Variants in GRIP1 observed in about 807,000 individuals in gnomAD.
GRIP1 encodes glutamate receptor-interacting protein 1.
Under a neutral mutation model 129.9 loss-of-function variants are expected in GRIP1, and 45 were observed. The observed-to-expected ratio is 0.35, with a 90% CI of 0.27 to 0.44. The LOEUF (loss-of-function observed/expected upper bound fraction) is 0.44, where lower values mean the gene tolerates loss of function less well. Among genes scored for constraint, GRIP1 ranks in the 20% least tolerant of loss-of-function variants. The pLI is 1.00. For synonymous variants in GRIP1, 530 were observed against 520.8 expected (o/e 1.02, Z -0.24); for missense variants, 1,196 against 1,396.8 (o/e 0.86, Z 2.29).
rs35373698 is a variant in GRIP1, at chr12:66,539,545, C to CTTTT, written c.273-326_273-323dup. ...CACCATAAAACAAAATCAAGAGAAG[C>CTTTT]TTTTTTTTTTTTTTTTTTTTTTTTC... On this transcript the variant is annotated intron_variant, in intron 3 of 24. Coordinates refer to ENST00000359742, the MANE Select transcript of GRIP1 (RefSeq NM_001366722.1). Among the ~76,000 whole-genome samples the CTTTT allele has an allele frequency of 2.0e-3, 121 of 59,274 alleles. 9 individuals carry two copies. The highest frequency in any genetic ancestry group is 4.0e-3 in the African/African-American group (62 of 15,496). 38.9% of individuals were successfully genotyped at this position (59,274 alleles called of 152,430 possible).
At chr12:66,588,781 C>A (rs1373352807) in intron 2 of GRIP1, among the ~76,000 whole-genome samples, 1 of 151,660 alleles carries the variant, frequency 6.6e-6, no homozygotes, top group East Asian at 1.9e-4. Context: ...CCAGCCTGGC[C>A]AACATAATGA....
At chr12:66,768,122 G>T (rs762378150) in intron 1 of GRIP1, among the ~76,000 whole-genome samples, 3 of 152,136 alleles carry the variant, frequency 2.0e-5, no homozygotes. Flanking sequence ...GCTCTATTTG[G>T]TCTACATTTT....
chr12:67,054,000 G>C (rs1007830463), intron 1 of GRIP1, among the ~76,000 whole-genome samples: 3 of 152,176 alleles, frequency 2.0e-5, no homozygotes, highest in Non-Finnish European at 4.4e-5. Flanking sequence ...TGGTGAAAGA[G>C]AAATTCACTG....
chr12:67,036,761 C>T (rs950180443), intron 1 of GRIP1, among the ~76,000 whole-genome samples: 1 of 152,148 alleles, frequency 6.6e-6, no homozygotes, highest in African/African-American at 2.4e-5. Context: ...ACTAAACCTA[C>T]CCATCCATGG....
intron 7 of GRIP1, among the ~76,000 whole-genome samples, chr12:66,478,640 A>C (rs2059698532): frequency 6.6e-6 from 1 of 152,220 alleles, no homozygotes; most frequent in Non-Finnish European, 1.5e-5. Flanking sequence ...AATGTCCAAC[A>C]ATGATAGACT....
chr12:66,477,905 G>T lies in GRIP1; in HGVS notation c.725-12483C>A, dbSNP rs542049702. Among the ~76,000 whole-genome samples, 34 of 152,212 alleles carry T rather than the reference G, an allele frequency of 2.2e-4. No individual in the cohort carries two copies. The East Asian group carries it at 5.4e-3, about 24-fold the overall frequency. ...AGATGGATTAAAGACTTAAATGTTA[G>T]ACCTAAAACCATAAAAACCCTAGAA... On this transcript the variant is annotated intron_variant, in intron 7 of 24. Transcript: ENST00000359742.
chr12:66,848,695 C>A (rs2039860679), intron 1 of GRIP1, among the ~76,000 whole-genome samples: 2 of 152,096 alleles, frequency 1.3e-5, no homozygotes, highest in Non-Finnish European at 1.5e-5. Flanking sequence ...TTACAACTCC[C>A]TACTCAACTT....
chr12:66,866,543 T>C (rs2040208152), intron 1 of GRIP1, among the ~76,000 whole-genome samples: 1 of 152,158 alleles, frequency 6.6e-6, no homozygotes, highest in South Asian at 2.1e-4. Flanking sequence ...GACTAAGACC[T>C]ACTAATTGAT....
chr12:66,583,988 G>A lies in GRIP1; in HGVS notation c.136+12859C>T, dbSNP rs543779822. On this transcript the variant is annotated intron_variant, in intron 2 of 24. Coordinates refer to ENST00000359742, the MANE Select transcript of GRIP1 (RefSeq NM_001366722.1). Reference sequence around the variant, plus strand: ...GTTTATTGCGGCATTATTCACAATAGCAAAGACTTGCAACCAACCCAAATG... The same window carrying A: ...GTTTATTGCGGCATTATTCACAATAACAAAGACTTGCAACCAACCCAAATG... Among the ~76,000 whole-genome samples, 316 of 140,376 alleles carry A rather than the reference G, an allele frequency of 2.3e-3. 15 individuals are homozygous for A. The highest frequency in any genetic ancestry group is 7.6e-3 in the African/African-American group (293 of 38,392). The allele number at this position is 140,376 out of a possible 152,430, so 92.1% of individuals were successfully genotyped here. A position where few individuals can be genotyped will look rare whatever the true frequency, so the allele number is the denominator to read the frequency against.
intron 1 of GRIP1, among the ~76,000 whole-genome samples, chr12:66,852,531 T>C (rs1294785278): frequency 1.9e-5 from 2 of 107,270 alleles, no homozygotes; most frequent in Non-Finnish European, 4.1e-5. Context: ...TATATGTATA[T>C]GTATATATGT....
Position 66,726,037 on chromosome 12 carries a change from C to T in GRIP1, c.-420+78016G>A, listed in dbSNP as rs151206546. ...TTTCAGCCCATGCCATCTCTATCTC[C>T]TAGCCTCACTGAATCACTAATTATT... On this transcript the variant is annotated intron_variant, in intron 1 of 4. Coordinates refer to the GRIP1 transcript ENST00000538373. Among the ~76,000 whole-genome samples, 286 of 152,330 alleles carry T rather than the reference C, an allele frequency of 1.9e-3. 1 individual carries two copies. The highest frequency in any genetic ancestry group is 6.6e-3 in the African/African-American group (276 of 41,572).
At chr12:66,884,018 G>A (rs998256295) in intron 1 of GRIP1, among the ~76,000 whole-genome samples, 5 of 152,224 alleles carry the variant, frequency 3.3e-5, no homozygotes, top group African/African-American at 1.2e-4. Context: ...ACATGCAAGT[G>A]TGAGCAGAAA....
At chr12:66,380,200 G>A (rs573678404) in intron 19 of GRIP1, among the ~76,000 whole-genome samples, 170 of 152,212 alleles carry the variant, frequency 1.1e-3, no homozygotes, top group Non-Finnish European at 2.0e-3. Flanking sequence ...GTGAGCCATC[G>A]TGCCGGCCCC....
chr12:66,915,313 G>A (rs1016539612), intron 1 of GRIP1, among the ~76,000 whole-genome samples: 2 of 152,158 alleles, frequency 1.3e-5, no homozygotes, highest in African/African-American at 4.8e-5. Flanking sequence ...CCTATTAACT[G>A]GAGTAACACC....
intron 1 of GRIP1, among the ~76,000 whole-genome samples, chr12:67,068,137 G>T (rs1592539405): frequency 6.6e-6 from 1 of 152,124 alleles, no homozygotes; most frequent in Non-Finnish European, 1.5e-5. Flanking sequence ...ATCATATCCA[G>T]GTTACCAAGC....
At chr12:66,638,271 G>A (rs2031594720) in intron 1 of GRIP1, among the ~76,000 whole-genome samples, 4 of 152,032 alleles carry the variant, frequency 2.6e-5, no homozygotes, top group Admixed American at 2.6e-4. Context: ...TTATTTTGAG[G>A]GTTCTGATGA....
chr12:66,753,867 A>C (rs2037203567), intron 1 of GRIP1, among the ~76,000 whole-genome samples: 1 of 152,240 alleles, frequency 6.6e-6, no homozygotes, highest in Non-Finnish European at 1.5e-5. Flanking sequence ...ATCTAATAGA[A>C]AGCTTATATA....
chr12:66,489,555 C>T (rs927003559), intron 7 of GRIP1, among the ~76,000 whole-genome samples: 2 of 152,082 alleles, frequency 1.3e-5, no homozygotes, highest in Admixed American at 1.3e-4. Flanking sequence ...AAAACTGGCA[C>T]AAGACAAGGA....
At chr12:66,439,636 T>A (rs2058415651) in intron 13 of GRIP1, among the ~76,000 whole-genome samples, 1 of 152,208 alleles carries the variant, frequency 6.6e-6, no homozygotes, top group South Asian at 2.1e-4. Context: ...ATCATAGTAA[T>A]CTCTTCCATT....
Sources: gnomAD v4.1 joint callset for allele counts (sites outside exome capture counted in the v4.1 genomes callset) on GRCh38, gnomAD v4.1.1 for gene constraint, MANE v1.5 for transcripts, NCBI Gene and HGNC (gene_info 2026-07-23, HGNC 2026-07-21) for gene names.